The following PIAS1 variants were observed in gnomAD, a reference collection of about 807,000 sequenced individuals.
The protein encoded by PIAS1 is E3 SUMO-protein ligase PIAS1.
In PIAS1, 6 loss-of-function variants were observed where a neutral mutation model predicts 71.3. The observed-to-expected ratio is 0.08, with a 90% CI of 0.05 to 0.17. The LOEUF (loss-of-function observed/expected upper bound fraction) is 0.17, where lower values mean the gene tolerates loss of function less well. Among genes scored for constraint, PIAS1 ranks in the 10% least tolerant of loss-of-function variants. PIAS1 has a pLI of 1.00. For synonymous variants in PIAS1, 303 were observed against 292.9 expected, an observed-to-expected ratio of 1.03 and a Z score of -0.35; for missense variants, 555 against 793.6, an observed-to-expected ratio of 0.70 and a Z score of 3.61.
intron 2 of PIAS1, among the ~76,000 whole-genome samples, chr15:68,091,131 T>A (rs1567037251): frequency 6.6e-6 from 1 of 152,154 alleles, no homozygotes; most frequent in Non-Finnish European, 1.5e-5. Context: ...TTGCTTAGTG[T>A]GCCAATATTG....
chr15:68,180,565 T>C (rs1327635965), intron 11 of PIAS1, among the ~76,000 whole-genome samples: 5 of 152,106 alleles, frequency 3.3e-5, no homozygotes, highest in Admixed American at 2.0e-4. Context: ...GTTCTCTCTT[T>C]AAAAACTCTC....
Position 68,171,580 on chromosome 15 carries a change from A to G in PIAS1, c.1009-2152A>G, listed in dbSNP as rs1160115632. 2.0e-5 allele frequency among the ~76,000 whole-genome samples: 3 copies of G among 152,188 alleles called. No homozygotes were observed. The highest frequency in any genetic ancestry group is 2.9e-5 in the Non-Finnish European group (2 of 68,026). ...GGTCCCTCCAGGTTATACTTCTGAT[A>G]CTGTAAACTGGCATTGCTCTAGTCT... On this transcript the variant is annotated intron_variant, in intron 8 of 13. Coordinates refer to ENST00000249636, the MANE Select transcript of PIAS1 (RefSeq NM_016166.3). The surrounding 1 kb of genome is among the most constrained non-coding windows in gnomAD (Gnocchi z 4.4).
At chr15:68,132,576 T>C (rs2092695761) in intron 2 of PIAS1, among the ~76,000 whole-genome samples, 1 of 152,148 alleles carries the variant, frequency 6.6e-6, no homozygotes. Flanking sequence ...TTCTGGCCTA[T>C]ACAATAAGAC....
intron 7 of PIAS1, among the ~76,000 whole-genome samples, chr15:68,155,098 C>A (rs1445607390): frequency 1.3e-5 from 2 of 152,068 alleles, no homozygotes; most frequent in Admixed American, 6.5e-5. Flanking sequence ...AACAATAAGG[C>A]CAACTGTCTT....
intron 1 of PIAS1, among the ~76,000 whole-genome samples, chr15:68,058,878 C>T (rs934106492): frequency 9.2e-5 from 14 of 151,980 alleles, no homozygotes; most frequent in Admixed American, 2.6e-4. Context: ...AAAGATACAA[C>T]ACTGTTTTTT....
At chr15:68,130,199 A>C (rs1464900672) in intron 2 of PIAS1, among the ~76,000 whole-genome samples, 3 of 152,034 alleles carry the variant, frequency 2.0e-5, no homozygotes, top group African/African-American at 7.2e-5. Context: ...AATAGGAAAA[A>C]AGGTGGAATT....
intron 1 of PIAS1, among the ~76,000 whole-genome samples, chr15:68,073,834 TAGTG>T (rs1597133035): frequency 1.3e-5 from 2 of 152,196 alleles, no homozygotes; most frequent in East Asian, 3.9e-4. Flanking sequence ...TCACTGGCAA[TAGTG>T]AGGAGAATGA....
At chr15:68,155,543 G>A (rs2092883281) in intron 7 of PIAS1, among the ~76,000 whole-genome samples, 2 of 151,240 alleles carry the variant, frequency 1.3e-5, no homozygotes. Flanking sequence ...GAAATGTCAG[G>A]TATTTTAAAA....
At chr15:68,107,141 C>CTGAAATATTTCT (rs2092478735) in intron 2 of PIAS1, among the ~76,000 whole-genome samples, 1 of 152,146 alleles carries the variant, frequency 6.6e-6, no homozygotes. Context: ...AATATTTCTT[C>CTGAAATATTTCT]TTCTGAACCT....
intron 1 of PIAS1, among the ~76,000 whole-genome samples, chr15:68,064,268 G>A (rs1252225340): frequency 1.3e-5 from 2 of 152,172 alleles, no homozygotes; most frequent in Non-Finnish European, 2.9e-5. Flanking sequence ...TAAAATTTAA[G>A]CTTTCAAATG....
intron 1 of PIAS1, among the ~76,000 whole-genome samples, chr15:68,079,069 A>C (rs950452962): frequency 1.3e-5 from 2 of 152,010 alleles, no homozygotes; most frequent in African/African-American, 4.8e-5. Flanking sequence ...TCAAAGTGAG[A>C]AAACAGAACC....
chr15:68,109,128 C>T (rs563816702), intron 2 of PIAS1, among the ~76,000 whole-genome samples: 1 of 152,318 alleles, frequency 6.6e-6, no homozygotes, highest in East Asian at 1.9e-4. Flanking sequence ...TTCTCAGATA[C>T]TGTGTATGCT....
intron 7 of PIAS1, among the ~76,000 whole-genome samples, chr15:68,162,511 G>A (rs2092930967): frequency 6.6e-6 from 1 of 152,050 alleles, no homozygotes; most frequent in South Asian, 2.1e-4. Flanking sequence ...AGTGAGTTAA[G>A]AGGAGATGTA....
At chr15:68,071,269 C>CT (rs201177318) in intron 1 of PIAS1, among the ~76,000 whole-genome samples, 1,873 of 102,748 alleles carry the variant, frequency 0.018, 28 homozygotes, top group African/African-American at 0.035. Flanking sequence ...TTGCTTCATT[C>CT]TTTTTTTTTT....
intron 11 of PIAS1, among the ~76,000 whole-genome samples, chr15:68,177,233 C>T (rs950379156): frequency 7.6e-6 from 1 of 132,270 alleles, no homozygotes; most frequent in African/African-American, 2.7e-5. Context: ...GAGCCAAGAT[C>T]GTGCCATTGC....
Position 68,130,354 on chromosome 15 carries a change from C to A in PIAS1, c.470-11592C>A, listed in dbSNP as rs192271049. ...ATGTATATAAATATTAGGAGCAATA[C>A]ATTTACACAGTTATATGTTAATAAA... On this transcript the variant is annotated intron_variant, in intron 2 of 13. Transcript: ENST00000249636. 4.2e-3 allele frequency among the ~76,000 whole-genome samples: 641 copies of A among 151,976 alleles called. 2 individuals carry two copies. Among genetic ancestry groups the A allele is most frequent in the African/African-American group, 0.013 (547 of 41,526 alleles).
intron 7 of PIAS1, among the ~76,000 whole-genome samples, chr15:68,162,419 G>C (rs1021691051): frequency 6.6e-6 from 1 of 152,104 alleles, no homozygotes; most frequent in African/African-American, 2.4e-5. Flanking sequence ...CATGTAGAGT[G>C]GTTATTAGTC....
intron 6 of PIAS1, among the ~76,000 whole-genome samples, chr15:68,152,309 C>T (rs980315092): frequency 6.6e-6 from 1 of 152,208 alleles, no homozygotes. Flanking sequence ...AAGGTAAATT[C>T]GCTTTTTTGA....
chr15:68,118,333 AAAAT>A (rs1567049480), intron 2 of PIAS1, among the ~76,000 whole-genome samples: 1 of 137,288 alleles, frequency 7.3e-6, no homozygotes, highest in East Asian at 2.0e-4. Flanking sequence ...AAAAAAAAAA[AAAAT>A]AATAATAAAT....
Sources: allele counts gnomAD v4.1 joint callset (sites outside exome capture counted in the v4.1 genomes callset), GRCh38; gene constraint gnomAD v4.1.1; non-coding constraint Gnocchi (gnomAD v3.1); transcripts MANE v1.5; gene names NCBI Gene and HGNC (gene_info 2026-07-23, HGNC 2026-07-21).